Variants in SPACA1 observed in about 807,000 individuals in gnomAD.
The protein encoded by SPACA1 is sperm acrosome associated 1.
In SPACA1, 17 loss-of-function variants were observed where a neutral mutation model predicts 32.6. The ratio of observed to expected loss-of-function variants is 0.52; its 90% CI spans 0.36 to 0.78. The LOEUF is 0.78. SPACA1 is among the 30% of genes least tolerant of loss of function. The pLI, the probability that SPACA1 is intolerant of heterozygous loss-of-function variation, is 0.01. For missense variants in SPACA1, 363 were observed against 373.4 expected (o/e 0.97, Z 0.23); for synonymous variants, 140 against 138.1 (o/e 1.01, Z -0.10).
At chr6:88,059,342 A>C in intron 4 of SPACA1, 111 bp from the exon 5 acceptor site, 1 of 947,608 alleles carries the variant, frequency 1.1e-6, no homozygotes, top group Non-Finnish European at 1.5e-6. Flanking sequence ...TTAATTACTC[A>C]ACTAGGCTAA....
chr6:88,054,225 A>ATTTTT, intron 2 of SPACA1, among the ~76,000 whole-genome samples: 1 of 144,050 alleles, frequency 6.9e-6, no homozygotes, highest in East Asian at 2.0e-4. Context: ...CCAGCTCCCT[A>ATTTTT]TTTTTTTTTT....
rs769471113 is a variant in SPACA1, at chr6:88,057,730, A to C, written c.367+17A>C. 6 of 1,601,700 alleles carry C rather than the reference A, an allele frequency of 3.7e-6. No homozygotes were observed. Among genetic ancestry groups the C allele is most frequent in the Non-Finnish European group, 5.1e-6 (6 of 1,168,878 alleles). ...ATTGTGGCTGTGAGTTGAATTATGT[A>C]TTGGAGGGAGACTGTGGGCAAGAGT... On this transcript the variant is annotated intron_variant, in intron 3 of 6. Coordinates refer to ENST00000237201, the MANE Select transcript of SPACA1 (RefSeq NM_030960.3).
intron 5 of SPACA1, among the ~76,000 whole-genome samples, chr6:88,061,827 A>G (rs1257731102): frequency 1.3e-5 from 2 of 152,014 alleles, no homozygotes; most frequent in Admixed American, 6.6e-5. Flanking sequence ...AATTTAGCCT[A>G]TTTTTCATTA....
chr6:88,064,189 T>A lies in SPACA1; in HGVS notation c.701T>A (p.Ile234Asn), dbSNP rs1775942889. The stretch of plus-strand genomic sequence containing the variant: ...GGAGTCATTATCTGTGTATTTATAA[T>A]TTTCTTATTGATCTTCATAATCATA... ...TIGVIICVFI[I>N]FLLIFIIINW... The change falls in exon 6 of 7, where the codon ATT becomes AAT. Residue 234 changes from isoleucine to asparagine, a missense_variant. Transcript: ENST00000237201. 3.1e-6 allele frequency: 5 copies of A among 1,612,600 alleles called. No homozygotes were observed. Among genetic ancestry groups the A allele is most frequent in the Middle Eastern group, 1.6e-4 (1 of 6,076 alleles).
intron 1 of SPACA1, among the ~76,000 whole-genome samples, chr6:88,051,603 C>G (rs547346917): frequency 1.3e-5 from 2 of 152,300 alleles, no homozygotes; most frequent in African/African-American, 4.8e-5. Flanking sequence ...TTTAGGGAAG[C>G]CTCTGCACAT....
chr6:88,054,394 T>A (rs752180959), intron 2 of SPACA1, among the ~76,000 whole-genome samples: 1 of 152,194 alleles, frequency 6.6e-6, no homozygotes, highest in African/African-American at 2.4e-5. Context: ...CATTCTAAAT[T>A]CTACATTTCT....
Position 88,058,160 on chromosome 6 carries a change from A to C in SPACA1, c.367+447A>C, listed in dbSNP as rs549033601. Among the ~76,000 whole-genome samples, 11 of 152,304 alleles carry C rather than the reference A, an allele frequency of 7.2e-5. No homozygotes were observed. In the South Asian group the frequency reaches 2.3e-3, roughly 32 times the overall value. ...ATTGGAAGCCACTAATAGATCTCAT[A>C]GTTTAGTCTAACAGATCAGTAGGTC... On this transcript the variant is annotated intron_variant, in intron 3 of 6. Coordinates refer to ENST00000237201, the MANE Select transcript of SPACA1 (RefSeq NM_030960.3).
intron 2 of SPACA1, among the ~76,000 whole-genome samples, chr6:88,056,625 G>A (rs1775812175): frequency 6.6e-6 from 1 of 152,130 alleles, no homozygotes; most frequent in Non-Finnish European, 1.5e-5. Flanking sequence ...CTGTCAAGTT[G>A]GAGAAGCAGT....
At chr6:88,061,988 T>C (rs1383718211) in intron 5 of SPACA1, among the ~76,000 whole-genome samples, 2 of 152,202 alleles carry the variant, frequency 1.3e-5, no homozygotes, top group Admixed American at 6.5e-5. Context: ...AATGGATAAA[T>C]GAAATTTGCA....
chr6:88,047,837 C>T, upstream of SPACA1: 2 of 1,421,278 alleles, frequency 1.4e-6, no homozygotes, highest in African/African-American at 1.4e-5. Flanking sequence ...TCGCAGCTCT[C>T]TTCGACGTAC....
chr6:88,063,990 G>A, intron 5 of SPACA1, 109 bp from the exon 6 acceptor site: 2 of 1,243,656 alleles, frequency 1.6e-6, no homozygotes, highest in Non-Finnish European at 1.1e-6. Context: ...TCTGCACTAA[G>A]CATTTCTTTA....
chr6:88,063,943 A>G (rs941539689), intron 5 of SPACA1, 156 bp from the exon 6 acceptor site: 2 of 745,564 alleles, frequency 2.7e-6, no homozygotes, highest in African/African-American at 3.7e-5. Flanking sequence ...TGAAAAGGAC[A>G]TTTCAAACAT....
chr6:88,062,004 C>T (rs1775905035), intron 5 of SPACA1, among the ~76,000 whole-genome samples: 2 of 152,130 alleles, frequency 1.3e-5, no homozygotes, highest in African/African-American at 2.4e-5. Flanking sequence ...TTGCATTTCT[C>T]CTTGTCAGGT....
chr6:88,062,874 G>A (rs930062778), intron 5 of SPACA1, among the ~76,000 whole-genome samples: 2 of 152,120 alleles, frequency 1.3e-5, no homozygotes, highest in Non-Finnish European at 2.9e-5. Context: ...AATTAGAGAG[G>A]TATCATAGTC....
intron 6 of SPACA1, among the ~76,000 whole-genome samples, chr6:88,065,787 C>T (rs1775973742): frequency 6.9e-6 from 1 of 145,560 alleles, no homozygotes. Context: ...AGTGTAGATG[C>T]TGAACATTTT....
At chr6:88,061,603 T>TGA (rs1236957634) in intron 5 of SPACA1, among the ~76,000 whole-genome samples, 7 of 152,154 alleles carry the variant, frequency 4.6e-5, no homozygotes, top group African/African-American at 1.4e-4. Context: ...TACCAGAAGC[T>TGA]GAGAAGCTGT....
At chr6:88,047,244 T>G (rs949202979), upstream of SPACA1, among the ~76,000 whole-genome samples, 2 of 152,208 alleles carry the variant, frequency 1.3e-5, no homozygotes, top group Non-Finnish European at 2.9e-5. Context: ...TCTGGATTTT[T>G]GGGGCGAGTC....
intron 5 of SPACA1, among the ~76,000 whole-genome samples, chr6:88,063,420 C>T (rs1775926223): frequency 6.6e-6 from 1 of 152,026 alleles, no homozygotes; most frequent in South Asian, 2.1e-4. Flanking sequence ...AAACATTATT[C>T]TAAGTAAACA....
chr6:88,060,266 C>T (rs373852411), intron 5 of SPACA1, among the ~76,000 whole-genome samples: 2 of 152,266 alleles, frequency 1.3e-5, no homozygotes, highest in African/African-American at 4.8e-5. Context: ...TGTTCAGCTG[C>T]TCTTAACTGT....
Sources: allele counts gnomAD v4.1 joint callset (sites outside exome capture counted in the v4.1 genomes callset), GRCh38; gene constraint gnomAD v4.1.1; transcripts MANE v1.5; gene names NCBI Gene and HGNC (gene_info 2026-07-23, HGNC 2026-07-21).